The following PTPRS variants were observed in gnomAD, a reference collection of about 807,000 sequenced individuals.
PTPRS encodes receptor-type tyrosine-protein phosphatase S.
In PTPRS, 63 loss-of-function variants were observed where a neutral mutation model predicts 215.3. That is an observed-to-expected ratio of 0.29 (90% confidence interval 0.24 to 0.36). The LOEUF is 0.36. Among genes scored for constraint, PTPRS ranks in the 10% least tolerant of loss-of-function variants. PTPRS has a pLI of 1.00. For missense variants in PTPRS, 2,258 were observed against 2,825.8 expected (o/e 0.80, Z 4.56); for synonymous variants, 1,404 against 1,191.4 (o/e 1.18, Z -3.68).
chr19:5,262,877 T>C, intron 6 of PTPRS, 87 bp downstream of exon 6: 1 of 1,372,904 alleles, frequency 7.3e-7, no homozygotes, highest in Non-Finnish European at 1.0e-6. Flanking sequence ...TCACGGTGGC[T>C]GTTAGTTTGG....
At position 5,245,983 on chromosome 19, in the gene PTPRS, T is replaced by C. The variant is rs1404903701; in HGVS notation, c.781A>G (p.Asn261Asp). The change falls in exon 10 of 38, where the codon AAC (asparagine) becomes GAC (aspartate). Residue 261 changes from asparagine to aspartate, a missense_variant. Asn to Asp is a conservative substitution (Grantham distance 23). Coordinates refer to ENST00000262963, the MANE Select transcript of PTPRS (RefSeq NM_002850.4). ...PMSHEIMPGGNVNITCVAVGS... is the reference protein window; with the variant it reads ...PMSHEIMPGGDVNITCVAVGS... ...ACGGCCACGCAGGTGATGTTCACGT[T>C]GCCCCCTGGCATGATCTCGTGGCTC... 6.2e-7 allele frequency: 1 copy of C among 1,601,416 alleles called. No homozygotes were observed. The highest frequency in any genetic ancestry group is 8.5e-7 in the Non-Finnish European group (1 of 1,173,686).
At chr19:5,255,634 AAACAG>A (rs928101598) in intron 9 of PTPRS, among the ~76,000 whole-genome samples, 3 of 152,218 alleles carry the variant, frequency 2.0e-5, no homozygotes, top group Admixed American at 6.5e-5. Flanking sequence ...CAAAAGAGAA[AAACAG>A]AACAGAAGAC....
rs185099897 is a variant in PTPRS, at chr19:5,332,317, G to A, written c.-95+8347C>T. 6.1e-3 allele frequency among the ~76,000 whole-genome samples: 922 copies of A among 152,164 alleles called. 10 individuals carry two copies. Among genetic ancestry groups the A allele is most frequent in the Middle Eastern group, 6.8e-3 (2 of 294 alleles). ...TTATTTTTGTATTTTTAGTAGAGGC[G>A]GGGTTTCACCATGTTGGCCAGGCTG... is the stretch of plus-strand genomic sequence containing the variant. On this transcript the variant is annotated intron_variant, in intron 1 of 37. Transcript: ENST00000262963.
intron 1 of PTPRS, among the ~76,000 whole-genome samples, chr19:5,320,135 C>T (rs908767361): frequency 2.0e-5 from 3 of 152,200 alleles, no homozygotes; most frequent in African/African-American, 7.2e-5. Context: ...GCCTCCACGC[C>T]TACTCCAGCC....
At position 5,339,681 on chromosome 19, in the gene PTPRS, G is replaced by T. The variant is rs956841197; in HGVS notation, c.-95+983C>A. ...ACGGCGCGGGCACTCTAACCTGGGG[G>T]GCTCCCCTCAGGGCACGCCCCGCGC... On this transcript the variant is annotated intron_variant, in intron 1 of 37. Coordinates refer to ENST00000262963, the MANE Select transcript of PTPRS (RefSeq NM_002850.4). The surrounding 1 kb of genome is among the most constrained non-coding windows in gnomAD (Gnocchi z 4.2). 1.3e-5 allele frequency among the ~76,000 whole-genome samples: 2 copies of T among 151,936 alleles called. No homozygotes were observed. Among genetic ancestry groups the T allele is most frequent in the Non-Finnish European group, 2.9e-5 (2 of 67,932 alleles).
At chr19:5,333,114 A>C (rs1220740877) in intron 1 of PTPRS, among the ~76,000 whole-genome samples, 1 of 151,822 alleles carries the variant, frequency 6.6e-6, no homozygotes, top group East Asian at 1.9e-4. Flanking sequence ...ACGCCGTTGC[A>C]CTCCAGCCTG....
intron 1 of PTPRS, among the ~76,000 whole-genome samples, chr19:5,325,438 T>C (rs2050142713): frequency 6.6e-6 from 1 of 152,226 alleles, no homozygotes. Flanking sequence ...ATGTGGGCCA[T>C]GGGGCCAGGT....
intron 13 of PTPRS, among the ~76,000 whole-genome samples, chr19:5,234,521 G>A (rs1406525218): frequency 2.0e-5 from 3 of 152,182 alleles, no homozygotes; most frequent in Middle Eastern, 3.2e-3. Flanking sequence ...TCAACAGCAA[G>A]TCTCATTTAT....
intron 4 of PTPRS, among the ~76,000 whole-genome samples, chr19:5,270,704 CT>C: frequency 6.6e-6 from 1 of 152,156 alleles, no homozygotes; most frequent in Non-Finnish European, 1.5e-5. Context: ...GTGGCGCAAT[CT>C]CAGCTCACTG....
rs2040540560 is a variant in PTPRS, at chr19:5,208,155, G to A, written c.5642+82C>T. ...CCGAGGACTCTAACAGCCCAGATGG[G>A]ACAGCCTAAGCTTGGGGCTGTCCCC... On this transcript the variant is annotated intron_variant, in intron 36 of 37. Transcript: ENST00000262963. The A allele has an allele frequency of 1.4e-5, 22 of 1,565,334 alleles. No individual in the cohort carries two copies. In the South Asian group the frequency reaches 2.0e-4, roughly 14 times the overall value.
In PTPRS at chr19:5,210,371, T is replaced by C; in HGVS notation, c.5487+98A>G. ...CACTTCTCCTGATTCCCAATGCTTATGCCTAACCCTTGGCCTTTGTATCCA... is the reference window on the plus strand; with the variant it reads ...CACTTCTCCTGATTCCCAATGCTTACGCCTAACCCTTGGCCTTTGTATCCA... On this transcript the variant is annotated intron_variant, in intron 35 of 37. Transcript: ENST00000262963. The surrounding 1 kb of genome is among the most constrained non-coding windows in gnomAD (Gnocchi z 4.5). The C allele has an allele frequency of 1.3e-6, 2 of 1,530,324 alleles. No homozygotes were observed. The highest frequency in any genetic ancestry group is 2.7e-5 in the African/African-American group (2 of 73,470). 94.8% of individuals were successfully genotyped at this position (1,530,324 alleles called of 1,614,324 possible).
In PTPRS at chr19:5,219,986, G is replaced by A; in HGVS notation, c.3718C>T (p.His1240Tyr). 3 of 1,613,868 alleles carry A rather than the reference G, an allele frequency of 1.9e-6. No individual in the cohort carries two copies. The highest frequency in any genetic ancestry group is 2.2e-5 in the South Asian group (2 of 91,088). The stretch of plus-strand genomic sequence containing the variant: ...GCAAGCACGAAGAGGACATAGCGGT[G>A]GCCGGGCTCCAGGCCCCGGTTATCG... ...GFDNRGLEPG[H>Y]RYVLFVLAVL... Residue 1240 changes from histidine (H) to tyrosine (Y), a missense_variant, in exon 22 of 38, where the codon CAC (histidine) becomes TAC (tyrosine). Physicochemically the swap from His to Tyr is moderately conservative, Grantham distance 83 (BLOSUM62 2). This residue lies in a region of PTPRS where 927 missense variants were observed against 1,125.9 expected (regional missense o/e 0.82). Coordinates refer to ENST00000262963, the MANE Select transcript of PTPRS (RefSeq NM_002850.4).
chr19:5,239,445 G>A (rs537273564), intron 12 of PTPRS, among the ~76,000 whole-genome samples: 11 of 151,390 alleles, frequency 7.3e-5, no homozygotes, highest in African/African-American at 2.4e-4. Flanking sequence ...CAGACACAGA[G>A]ACAGAGATAA....
At chr19:5,270,642 C>CT (rs542611885) in intron 4 of PTPRS, among the ~76,000 whole-genome samples, 2 of 151,752 alleles carry the variant, frequency 1.3e-5, no homozygotes, top group South Asian at 2.1e-4. Flanking sequence ...CGGGGCCTTT[C>CT]TTTTTTTTCT....
chr19:5,222,302 G>T, intron 18 of PTPRS, 82 bp from the exon 19 acceptor site: 1 of 1,190,198 alleles, frequency 8.4e-7, no homozygotes, highest in Non-Finnish European at 1.2e-6. Context: ...GAAGCGGGGT[G>T]GGGTGGGGCG....
intron 2 of PTPRS, among the ~76,000 whole-genome samples, chr19:5,280,619 G>A (rs1223453633): frequency 6.6e-6 from 1 of 152,074 alleles, no homozygotes; most frequent in East Asian, 1.9e-4. Flanking sequence ...TACTTGGGAG[G>A]CTGAGGCAGG....
intron 25 of PTPRS, 53 bp from the exon 26 acceptor site, chr19:5,216,820 T>C (rs2041513401): frequency 2.3e-5 from 28 of 1,212,664 alleles, no homozygotes; most frequent in Non-Finnish European, 3.2e-5. Flanking sequence ...TAGGGGGGGG[T>C]CCCACCTCTG....
At position 5,244,344 on chromosome 19, in the gene PTPRS, T is replaced by C. The variant is rs778821298; in HGVS notation, c.1127A>G (p.Tyr376Cys). The C allele has an allele frequency of 6.2e-7, 1 of 1,614,208 alleles. No homozygotes were observed. The change falls in exon 11 of 38, where the codon TAT becomes TGT. Residue 376 changes from tyrosine (Y) to cysteine (C), a missense_variant. Around this residue, in one of 6 missense-constraint regions of PTPRS, gnomAD observed 508 missense variants for 799.4 expected, o/e 0.64. Transcript: ENST00000262963. This position sits in a 1 kb window ranked among gnomAD's most constrained non-coding sequence, Gnocchi z 7.2. ...EYKSKSQDGPYQIKEDITTTR... is the reference protein window; with the variant it reads ...EYKSKSQDGPCQIKEDITTTR... Reference sequence around the variant, plus strand: ...GGTGGTGATGTCCTCTTTAATCTGATACGGCCCGTCTTGGCTCTTGGATTT... The same window carrying C: ...GGTGGTGATGTCCTCTTTAATCTGACACGGCCCGTCTTGGCTCTTGGATTT...
At chr19:5,250,779 C>A (rs1456536630) in intron 9 of PTPRS, among the ~76,000 whole-genome samples, 1 of 148,740 alleles carries the variant, frequency 6.7e-6, no homozygotes, top group Non-Finnish European at 1.5e-5. Context: ...CAGGAAGAGG[C>A]AGAAACACAA....
Sources: allele counts gnomAD v4.1 joint callset (sites outside exome capture counted in the v4.1 genomes callset), GRCh38; gene constraint gnomAD v4.1.1; regional missense constraint gnomAD v4.1.1; non-coding constraint Gnocchi (gnomAD v3.1); transcripts MANE v1.5; gene names NCBI Gene and HGNC (gene_info 2026-07-23, HGNC 2026-07-21).